CLYBL: variants seen among roughly 807,000 people sequenced by gnomAD.
The protein encoded by CLYBL is citramalyl-CoA lyase.
Under a neutral mutation model 38.9 loss-of-function variants are expected in CLYBL, and 31 were observed. The observed-to-expected ratio is 0.80, with a 90% CI of 0.60 to 1.08. The LOEUF (loss-of-function observed/expected upper bound fraction) is 1.08. Among genes scored for constraint, CLYBL ranks in the 50% least tolerant of loss-of-function variants. CLYBL has a pLI of 0.00. For synonymous variants in CLYBL, 171 were observed against 158.6 expected, an observed-to-expected ratio of 1.08 and a Z score of -0.59; for missense variants, 434 against 411.6, an observed-to-expected ratio of 1.05 and a Z score of -0.47.
intron 1 of CLYBL, among the ~76,000 whole-genome samples, chr13:99,742,882 C>T (rs1249211523): frequency 6.6e-6 from 1 of 152,136 alleles, no homozygotes; most frequent in African/African-American, 2.4e-5. Context: ...TGTTTTCCTT[C>T]TCCTCCTCCT....
intron 1 of CLYBL, among the ~76,000 whole-genome samples, chr13:99,759,321 G>A (rs1049057457): frequency 2.0e-5 from 3 of 152,198 alleles, no homozygotes; most frequent in Admixed American, 6.5e-5. Context: ...ATAAACAGAG[G>A]AGCAGAAGCA....
intron 1 of CLYBL, among the ~76,000 whole-genome samples, chr13:99,633,862 A>G (rs1312701172): frequency 1.3e-5 from 2 of 152,214 alleles, no homozygotes; most frequent in Non-Finnish European, 2.9e-5. Flanking sequence ...AAAAGATTGA[A>G]GAAAAGCAAA....
intron 6 of CLYBL, 122 bp downstream of exon 6, chr13:99,866,529 A>T: frequency 1.3e-6 from 1 of 784,198 alleles, no homozygotes; most frequent in Non-Finnish European, 1.9e-6. Context: ...ACTATTTGAA[A>T]TATGAGCAAG....
In CLYBL at chr13:99,640,357, A is replaced by G. The variant is rs116037513; in HGVS notation, c.62+33600A>G. Among the ~76,000 whole-genome samples the G allele has an allele frequency of 8.8e-3, 1,335 of 152,328 alleles. 20 individuals are homozygous for G. The highest frequency in any genetic ancestry group is 0.03 in the African/African-American group (1,268 of 41,588). On this transcript the variant is annotated intron_variant, in intron 1 of 8. Transcript: ENST00000339105. ...AAAATATTATCTTTAATGTTTCACT[A>G]GGTTCACTAATGTTAGGCTGAGGGT...
In CLYBL at chr13:99,682,961, C is replaced by T. The variant is rs371373380; in HGVS notation, c.62+76204C>T. 4.6e-5 allele frequency among the ~76,000 whole-genome samples: 7 copies of T among 152,222 alleles called. No individual in the cohort carries two copies. The East Asian group carries it at 5.8e-4, about 13-fold the overall frequency. On this transcript the variant is annotated intron_variant, in intron 1 of 8. Transcript: ENST00000339105. ...CCATGTTGGCCAGGCTGGTCTCGAA[C>T]TCCTGACCTCAGGTGATTCACCCAC...
chr13:99,734,831 C>G (rs368756668), intron 1 of CLYBL, among the ~76,000 whole-genome samples: 1 of 152,044 alleles, frequency 6.6e-6, no homozygotes, highest in African/African-American at 2.4e-5. Flanking sequence ...GCTGTTCCCC[C>G]CAAAAGATTT....
intron 2 of CLYBL, among the ~76,000 whole-genome samples, chr13:99,853,947 C>T (rs924302821): frequency 7.9e-5 from 12 of 152,190 alleles, no homozygotes; most frequent in African/African-American, 2.4e-4. Context: ...CGTGACATGA[C>T]ATCATTTTAC....
intron 1 of CLYBL, among the ~76,000 whole-genome samples, chr13:99,650,188 A>G (rs1391774596): frequency 6.6e-6 from 1 of 152,004 alleles, no homozygotes; most frequent in African/African-American, 2.4e-5. Flanking sequence ...GCGTGAACCC[A>G]GGAGGTGGAG....
chr13:99,607,394 G>C (rs1336539918), intron 1 of CLYBL, among the ~76,000 whole-genome samples: 1 of 152,172 alleles, frequency 6.6e-6, no homozygotes, highest in Non-Finnish European at 1.5e-5. Context: ...CATATCAGCT[G>C]TTTTGAAGGA....
At chr13:99,637,531 C>T (rs1445882822) in intron 1 of CLYBL, among the ~76,000 whole-genome samples, 4 of 151,978 alleles carry the variant, frequency 2.6e-5, no homozygotes, top group Non-Finnish European at 4.4e-5. Context: ...GAGGCCGAGG[C>T]GGGTGGATCA....
intron 2 of CLYBL, among the ~76,000 whole-genome samples, chr13:99,814,252 T>A (rs1051020614): frequency 3.9e-5 from 6 of 152,198 alleles, no homozygotes; most frequent in African/African-American, 1.4e-4. Context: ...CTCCTCATGG[T>A]ATAGATATTA....
chr13:99,701,519 G>T (rs2048065519), intron 1 of CLYBL, among the ~76,000 whole-genome samples: 1 of 152,064 alleles, frequency 6.6e-6, no homozygotes, highest in Non-Finnish European at 1.5e-5. Flanking sequence ...TCACATGTTA[G>T]CCAGGATGGT....
intron 2 of CLYBL, among the ~76,000 whole-genome samples, chr13:99,853,091 T>C (rs1467480880): frequency 6.7e-6 from 1 of 150,218 alleles, no homozygotes; most frequent in Non-Finnish European, 1.5e-5. Context: ...GACAAATGTA[T>C]AGGTTTGCAT....
rs187662331 is a variant in CLYBL at position 99,891,452 on chromosome 13, T to C, written c.*24+15T>C. 1 of 1,434,584 alleles carries C rather than the reference T, an allele frequency of 7.0e-7. No individual in the cohort carries two copies. Among genetic ancestry groups the C allele is most frequent in the Non-Finnish European group, 9.8e-7 (1 of 1,016,900 alleles). The allele number at this position is 1,434,584 out of a possible 1,614,324, so 88.9% of individuals were successfully genotyped here. A position where few individuals can be genotyped will look rare whatever the true frequency, so the allele number is the denominator to read the frequency against. Reference sequence around the variant, plus strand: ...GCTGTCATCAGGTGGGCTGAACATATACAGTGGGGTTCTTAAAGACAAACC... The same window carrying C: ...GCTGTCATCAGGTGGGCTGAACATACACAGTGGGGTTCTTAAAGACAAACC... On this transcript the variant is annotated intron_variant, in intron 8 of 8. Coordinates refer to ENST00000339105, the MANE Select transcript of CLYBL (RefSeq NM_206808.5).
At chr13:99,892,863 A>C (rs971839567), downstream of CLYBL, 12 of 152,108 alleles carry the variant, frequency 7.9e-5, no homozygotes, top group African/African-American at 2.9e-4. Context: ...AGAGGTGAGG[A>C]GCTGAGGTTA....
At chr13:99,777,462 C>G (rs2049542542) in intron 2 of CLYBL, among the ~76,000 whole-genome samples, 1 of 151,472 alleles carries the variant, frequency 6.6e-6, no homozygotes, top group Non-Finnish European at 1.5e-5. Flanking sequence ...AAATGCTGTA[C>G]TGAGAATTTT....
intron 7 of CLYBL, among the ~76,000 whole-genome samples, chr13:99,886,433 C>G (rs767210140): frequency 6.6e-6 from 1 of 152,218 alleles, no homozygotes; most frequent in Admixed American, 6.5e-5. Flanking sequence ...GGGCAATGGC[C>G]GAGGTGTCAG....
intron 7 of CLYBL, among the ~76,000 whole-genome samples, chr13:99,873,961 A>G (rs1276269669): frequency 7.3e-5 from 11 of 151,250 alleles, no homozygotes; most frequent in Admixed American, 4.7e-4. Flanking sequence ...TTTACATTAA[A>G]ACAAATAACA....
At position 99,865,265 on chromosome 13, in the gene CLYBL, A is replaced by T. The variant is rs1346519913; in HGVS notation, c.634+354A>T. The T allele has an allele frequency of 3.0e-6, 1 of 333,700 alleles. No individual in the cohort carries two copies. Among genetic ancestry groups the T allele is most frequent in the Non-Finnish European group, 5.8e-6 (1 of 171,570 alleles). The allele number at this position is 333,700 out of a possible 1,614,324, so 20.7% of individuals were successfully genotyped here. A position where few individuals can be genotyped will look rare whatever the true frequency, so the allele number is the denominator to read the frequency against. ...CGTTGCTTCAGTATTTTGTTTTCAT[A>T]TCAGTCTGTGGGCTGTCTAGATTTC... is the stretch of plus-strand genomic sequence containing the variant. On this transcript the variant is annotated intron_variant, in intron 5 of 8. Transcript: ENST00000339105. This position sits in a 1 kb window ranked among gnomAD's most constrained non-coding sequence, Gnocchi z 4.7.
Sources: gnomAD v4.1 joint callset for allele counts (sites outside exome capture counted in the v4.1 genomes callset) on GRCh38, gnomAD v4.1.1 for gene constraint, Gnocchi (gnomAD v3.1) non-coding constraint, MANE v1.5 for transcripts, NCBI Gene and HGNC (gene_info 2026-07-23, HGNC 2026-07-21) for gene names.